Variants in CCDC152 observed in about 807,000 individuals in gnomAD.
CCDC152 encodes the protein coiled-coil domain containing 152, also known as coiled-coil domain-containing protein 152.
CCDC152 carries 37 observed loss-of-function variants against 38.1 expected under a neutral mutation model. The observed-to-expected ratio is 0.97, with a 90% CI of 0.75 to 1.28. The LOEUF (loss-of-function observed/expected upper bound fraction) is 1.28. Among genes scored for constraint, CCDC152 ranks in the 50% most tolerant of loss-of-function variants. The pLI is 0.00. For missense variants in CCDC152, 259 were observed against 292.1 expected, an observed-to-expected ratio of 0.89 and a Z score of 0.83; for synonymous variants, 83 against 87.1, an observed-to-expected ratio of 0.95 and a Z score of 0.26.
chr5:42,783,577 G>T lies in CCDC152; in HGVS notation c.430+1G>T. On this transcript the variant is annotated splice_donor_variant, in intron 6 of 8. Transcript: ENST00000361970. LOFTEE classifies it high-confidence loss of function. Reference sequence around the variant, plus strand: ...CTTTATCAGGACATGCAGAGAAAAGGTAAGTTTAAAATAAACTTGCTTTTT... The same window carrying T: ...CTTTATCAGGACATGCAGAGAAAAGTTAAGTTTAAAATAAACTTGCTTTTT... 2 of 1,339,050 alleles carry T rather than the reference G, an allele frequency of 1.5e-6. No homozygotes were observed. The highest frequency in any genetic ancestry group is 1.9e-6 in the Non-Finnish European group (2 of 1,032,418). The allele number at this position is 1,339,050 out of a possible 1,614,324, so 82.9% of individuals were successfully genotyped here.
chr5:42,790,689 G>A (rs994471654), intron 6 of CCDC152, among the ~76,000 whole-genome samples: 3 of 152,072 alleles, frequency 2.0e-5, no homozygotes, highest in African/African-American at 7.2e-5. Flanking sequence ...TCTTGGGTAG[G>A]GAAAGTGTTA....
In CCDC152 at chr5:42,799,968, T is replaced by A; in HGVS notation, c.*187T>A. 2 of 631,248 alleles carry A rather than the reference T, an allele frequency of 3.2e-6. No homozygotes were observed. The highest frequency in any genetic ancestry group is 5.2e-6 in the Non-Finnish European group (2 of 382,964). The allele number at this position is 631,248 out of a possible 1,614,324, so 39.1% of individuals were successfully genotyped here. A position where few individuals can be genotyped will look rare whatever the true frequency, so the allele number is the denominator to read the frequency against. On this transcript the variant is annotated 3_prime_UTR_variant, in exon 9 of 9. Coordinates refer to ENST00000361970, the MANE Select transcript of CCDC152 (RefSeq NM_001134848.2). ...CATTCTTGCTTAATAGTATTAACCATAAAGGAGGTCAGGTTTATAGGGTTT... is the reference window on the plus strand; with the variant it reads ...CATTCTTGCTTAATAGTATTAACCAAAAAGGAGGTCAGGTTTATAGGGTTT...
At chr5:42,769,203 G>A (rs1043170080) in intron 3 of CCDC152, among the ~76,000 whole-genome samples, 3 of 151,548 alleles carry the variant, frequency 2.0e-5, no homozygotes, top group Non-Finnish European at 4.4e-5. Context: ...AGCCGACATC[G>A]TGCCACTGCA....
At chr5:42,784,597 A>G (rs142712180) in intron 6 of CCDC152, among the ~76,000 whole-genome samples, 33 of 152,232 alleles carry the variant, frequency 2.2e-4, no homozygotes, top group Admixed American at 4.6e-4. Flanking sequence ...TGCTGTACAG[A>G]AACTCTTTAA....
At chr5:42,767,698 C>A (rs1000135604) in intron 3 of CCDC152, among the ~76,000 whole-genome samples, 1 of 152,180 alleles carries the variant, frequency 6.6e-6, no homozygotes, top group Non-Finnish European at 1.5e-5. Context: ...GAGAGAGCCA[C>A]CTTGTGTTTA....
At chr5:42,765,595 C>T (rs970935224) in intron 3 of CCDC152, among the ~76,000 whole-genome samples, 2 of 151,952 alleles carry the variant, frequency 1.3e-5, no homozygotes, top group Admixed American at 1.3e-4. Flanking sequence ...AATAGAGAAC[C>T]CATGAACAAA....
chr5:42,787,800 G>C (rs946367868), intron 6 of CCDC152, among the ~76,000 whole-genome samples: 13 of 151,966 alleles, frequency 8.6e-5, no homozygotes, highest in Admixed American at 3.9e-4. Context: ...CTATTTGCAT[G>C]GTAGATCTTT....
In CCDC152 at chr5:42,770,248, G is replaced by T. The variant is rs549844544; in HGVS notation, c.262+583G>T. On this transcript the variant is annotated intron_variant, in intron 4 of 8. Coordinates refer to ENST00000361970, the MANE Select transcript of CCDC152 (RefSeq NM_001134848.2). ...GAGATTAGACTAAATTGCCTTAAAG[G>T]CCCCTTCCACATAAAACTCACATCA... Among the ~76,000 whole-genome samples the T allele has an allele frequency of 2.0e-5, 3 of 152,174 alleles. No homozygotes were observed. The East Asian group carries it at 5.8e-4, about 29-fold the overall frequency.
chr5:42,780,017 C>T (rs951261725), intron 5 of CCDC152, among the ~76,000 whole-genome samples: 8 of 152,156 alleles, frequency 5.3e-5, no homozygotes, highest in Admixed American at 1.3e-4. Flanking sequence ...TCCTTATCTC[C>T]TGTAGGAACA....
chr5:42,789,919 G>C (rs547210873), intron 6 of CCDC152, among the ~76,000 whole-genome samples: 2 of 152,244 alleles, frequency 1.3e-5, no homozygotes, highest in South Asian at 4.1e-4. Flanking sequence ...CTTGAGTTAG[G>C]CACAACTTCT....
chr5:42,789,664 T>G (rs888544249), intron 6 of CCDC152, among the ~76,000 whole-genome samples: 58 of 152,156 alleles, frequency 3.8e-4, no homozygotes, highest in Non-Finnish European at 2.9e-5. Context: ...TTAATAATTT[T>G]TATGTATATG....
chr5:42,787,300 T>C (rs1467188931), intron 6 of CCDC152, among the ~76,000 whole-genome samples: 1 of 152,028 alleles, frequency 6.6e-6, no homozygotes, highest in Non-Finnish European at 1.5e-5. Context: ...CAACTATATT[T>C]TAAAATTCCT....
At chr5:42,759,916 A>T (rs552015193) in intron 2 of CCDC152, among the ~76,000 whole-genome samples, 2 of 152,308 alleles carry the variant, frequency 1.3e-5, no homozygotes, top group African/African-American at 4.8e-5. Context: ...AACATACTAT[A>T]TATAGGGTTC....
chr5:42,798,875 C>A (rs150122220), intron 7 of CCDC152, among the ~76,000 whole-genome samples: 1 of 152,174 alleles, frequency 6.6e-6, no homozygotes, highest in African/African-American at 2.4e-5. Context: ...CAAACTATAT[C>A]GACAAGATCG....
chr5:42,796,254 A>T (rs2548718), intron 6 of CCDC152, among the ~76,000 whole-genome samples: 82,024 of 147,522 alleles, frequency 0.56, 22,533 homozygotes, highest in Admixed American at 0.6. Context: ...TAATAAAATT[A>T]AAAAAAAAAA....
chr5:42,800,931 GTT>G lies in CCDC152; in HGVS notation c.*1155_*1156del. The G allele has an allele frequency of 1.9e-6, 3 of 1,614,190 alleles. No individual in the cohort carries two copies. The South Asian group carries it at 3.3e-5, about 18-fold the overall frequency. On this transcript the variant is annotated 3_prime_UTR_variant, in exon 9 of 9. Coordinates refer to ENST00000361970, the MANE Select transcript of CCDC152 (RefSeq NM_001134848.2). ...ACACTGTCAGGTGATTGCAGACCCT[GTT>G]TTTTCAAATATCAGATGTCGACAAT... is the stretch of plus-strand genomic sequence containing the variant.
chr5:42,791,672 T>C (rs1165643238), intron 6 of CCDC152, among the ~76,000 whole-genome samples: 1 of 152,188 alleles, frequency 6.6e-6, no homozygotes, highest in African/African-American at 2.4e-5. Context: ...TTCACTCAGC[T>C]TTGGTCATTG....
Position 42,799,679 on chromosome 5 carries a change from A to T in CCDC152, c.663A>T (p.Glu221Asp). 1 of 1,545,998 alleles carries T rather than the reference A, an allele frequency of 6.5e-7. No homozygotes were observed. Among genetic ancestry groups the T allele is most frequent in the Non-Finnish European group, 8.7e-7 (1 of 1,144,862 alleles). ...IYRRKLQHFQEEKNKEIAILR... is the reference protein window; with the variant it reads ...IYRRKLQHFQDEKNKEIAILR... ...TTTAGAAACTTCAGCATTTTCAAGA[A>T]GAAAAAAACAAGGAGATTGCAATTC... is the stretch of plus-strand genomic sequence containing the variant. The change falls in exon 9 of 9, where the codon GAA (glutamate) becomes GAT (aspartate). Residue 221 changes from glutamate to aspartate, a missense_variant. Coordinates refer to ENST00000361970, the MANE Select transcript of CCDC152 (RefSeq NM_001134848.2).
intron 3 of CCDC152, among the ~76,000 whole-genome samples, chr5:42,764,177 C>T (rs1040569083): frequency 1.3e-5 from 2 of 151,876 alleles, no homozygotes; most frequent in African/African-American, 4.8e-5. Context: ...TTTTGGAGGC[C>T]GAGGAGGGTG....
Sources: allele counts gnomAD v4.1 joint callset (sites outside exome capture counted in the v4.1 genomes callset), GRCh38; gene constraint gnomAD v4.1.1; transcripts MANE v1.5; gene names NCBI Gene and HGNC (gene_info 2026-07-23, HGNC 2026-07-21).